SGK1: variants seen among roughly 807,000 people sequenced by gnomAD.
SGK1 encodes the protein serine/threonine-protein kinase Sgk1.
Under a neutral mutation model 64.2 loss-of-function variants are expected in SGK1, and 26 were observed. The observed-to-expected ratio is 0.40, with a 90% CI of 0.30 to 0.56. The LOEUF (loss-of-function observed/expected upper bound fraction) is 0.56, where lower values mean the gene tolerates loss of function less well. Ranked by LOEUF, SGK1 falls within the 20% of genes least tolerant of loss-of-function variation. SGK1 has a pLI of 0.38. For missense variants in SGK1, 519 were observed against 645.6 expected (o/e 0.80, Z 2.12); for synonymous variants, 265 against 239.7 (o/e 1.11, Z -0.98).
rs1457172552 is a variant in SGK1 at position 134,245,703 on chromosome 6, A to T, written c.285+16230T>A. Among the ~76,000 whole-genome samples the T allele has an allele frequency of 5.3e-5, 8 of 152,338 alleles. No homozygotes were observed. The East Asian group carries it at 9.6e-4, about 18-fold the overall frequency. ...GACCTTGTCTCTACAAAAAATATTT[A>T]AAAATGGCCAGGACTAGTGGCTCAT... is the stretch of plus-strand genomic sequence containing the variant. On this transcript the variant is annotated intron_variant, in intron 2 of 13. Coordinates refer to ENST00000367858, the MANE Select transcript of SGK1 (RefSeq NM_001143676.3).
chr6:134,254,313 G>A (rs1776649226), intron 2 of SGK1, among the ~76,000 whole-genome samples: 1 of 152,074 alleles, frequency 6.6e-6, no homozygotes, highest in Admixed American at 6.6e-5. Context: ...ATCACACAGG[G>A]CAGAGCAAAC....
intron 2 of SGK1, among the ~76,000 whole-genome samples, chr6:134,232,477 A>AAGAAAG (rs1313649886): frequency 6.8e-6 from 1 of 146,420 alleles, no homozygotes; most frequent in Non-Finnish European, 1.5e-5. Flanking sequence ...GAAAGAAAGA[A>AAGAAAG]AGAAAGAGAA....
At chr6:134,238,020 T>C (rs927300375) in intron 2 of SGK1, among the ~76,000 whole-genome samples, 8 of 152,226 alleles carry the variant, frequency 5.3e-5, no homozygotes, top group Non-Finnish European at 1.0e-4. Context: ...CCTCAGTTTG[T>C]ATGACTTAAT....
At chr6:134,175,488 CA>C in intron 3 of SGK1, 1 of 1,373,480 alleles carries the variant, frequency 7.3e-7, no homozygotes. Context: ...CCCCTGCCTC[CA>C]AGCCGCTCTG....
At chr6:134,206,899 T>C (rs1277295111) in intron 3 of SGK1, among the ~76,000 whole-genome samples, 3 of 63,324 alleles carry the variant, frequency 4.7e-5, no homozygotes, top group Middle Eastern at 0.013. Context: ...AAAAAATTAA[T>C]TGCAGTGTAT....
intron 2 of SGK1, among the ~76,000 whole-genome samples, chr6:134,216,497 C>T (rs1295044971): frequency 6.6e-6 from 1 of 152,194 alleles, no homozygotes; most frequent in East Asian, 1.9e-4. Flanking sequence ...TTCTTTGTAT[C>T]TATGAGATAA....
intron 3 of SGK1, among the ~76,000 whole-genome samples, chr6:134,188,912 T>TC (rs1223454052): frequency 1.5e-4 from 21 of 143,244 alleles, no homozygotes; most frequent in African/African-American, 4.9e-4. Context: ...CTTTTTCTTT[T>TC]TTTTTTTTTT....
chr6:134,177,422 C>T (rs1775262516), intron 3 of SGK1, among the ~76,000 whole-genome samples: 1 of 152,206 alleles, frequency 6.6e-6, no homozygotes, highest in South Asian at 2.1e-4. Flanking sequence ...ATTCAACTAG[C>T]CTAGCCCAGC....
intron 2 of SGK1, among the ~76,000 whole-genome samples, chr6:134,228,664 T>C (rs1490554223): frequency 6.6e-6 from 1 of 152,190 alleles, no homozygotes; most frequent in African/African-American, 2.4e-5. Flanking sequence ...ATAGACATGC[T>C]TTTTACTTGT....
intron 1 of SGK1, chr6:134,298,493 G>A: frequency 1.2e-6 from 1 of 807,352 alleles, no homozygotes; most frequent in Non-Finnish European, 2.2e-6. Flanking sequence ...GGCTCTGGTT[G>A]ACTGTGACGG....
At chr6:134,288,943 T>C (rs755822873) in intron 1 of SGK1, among the ~76,000 whole-genome samples, 1 of 152,236 alleles carries the variant, frequency 6.6e-6, no homozygotes, top group African/African-American at 2.4e-5. Context: ...AACATACACA[T>C]AGTAAGAGCC....
intron 3 of SGK1, among the ~76,000 whole-genome samples, chr6:134,175,086 A>C (rs1021840006): frequency 1.3e-5 from 2 of 152,024 alleles, no homozygotes; most frequent in Non-Finnish European, 2.9e-5. Flanking sequence ...GGCCTGGCGC[A>C]GGGCCGTTAT....
intron 2 of SGK1, among the ~76,000 whole-genome samples, chr6:134,246,886 C>G (rs7761980): frequency 6.6e-6 from 1 of 152,080 alleles, no homozygotes; most frequent in African/African-American, 2.4e-5. Flanking sequence ...TGGCCAAGTT[C>G]GTATTATGAT....
At chr6:134,212,119 T>TCTCGGCTCACTGCGAG in intron 2 of SGK1, among the ~76,000 whole-genome samples, 1 of 151,792 alleles carries the variant, frequency 6.6e-6, no homozygotes, top group Admixed American at 6.6e-5. Context: ...AGTGGTGCGA[T>TCTCGGCTCACTGCGAG]CTCGGCTCAC....
chr6:134,280,459 G>A (rs1156959530), intron 1 of SGK1, among the ~76,000 whole-genome samples: 1 of 151,742 alleles, frequency 6.6e-6, no homozygotes, highest in African/African-American at 2.4e-5. Context: ...TAATTTTTTT[G>A]TAGAGACAAG....
intron 3 of SGK1, among the ~76,000 whole-genome samples, chr6:134,190,157 CT>C (rs1775486206): frequency 6.6e-6 from 1 of 152,076 alleles, no homozygotes; most frequent in African/African-American, 2.4e-5. Context: ...GCCCTAAGTA[CT>C]GTTTTTATAT....
intron 1 of SGK1, chr6:134,298,037 T>G: frequency 1.0e-6 from 1 of 997,152 alleles, no homozygotes; most frequent in Non-Finnish European, 1.6e-6. Flanking sequence ...GATCTCTTCA[T>G]ACAGCTGCCT....
chr6:134,202,575 G>A (rs1301677698), intron 3 of SGK1, among the ~76,000 whole-genome samples: 1 of 152,098 alleles, frequency 6.6e-6, no homozygotes, highest in Non-Finnish European at 1.5e-5. Flanking sequence ...TTATACCCGG[G>A]AGGTGGAAGT....
rs781075266 is a variant in SGK1 at position 134,206,884 on chromosome 6, CA to C, written c.361+471del. 9.9e-5 allele frequency among the ~76,000 whole-genome samples: 10 copies of C among 101,080 alleles called. No individual in the cohort carries two copies. In the South Asian group the frequency reaches 1.3e-3, roughly 13 times the overall value. 66.3% of individuals were successfully genotyped at this position (101,080 alleles called of 152,430 possible). A position where few individuals can be genotyped will look rare whatever the true frequency, so the allele number is the denominator to read the frequency against. On this transcript the variant is annotated intron_variant, in intron 3 of 13. Transcript: ENST00000367858. ...TCCGTCTCCAGAAAAAAAAAAAAAA[CA>C]AAAAAAAAATTAATTGCAGTGTATT...
Sources: allele counts gnomAD v4.1 joint callset (sites outside exome capture counted in the v4.1 genomes callset), GRCh38; gene constraint gnomAD v4.1.1; transcripts MANE v1.5; gene names NCBI Gene and HGNC (gene_info 2026-07-23, HGNC 2026-07-21).